The following UQCC1 variants were observed in gnomAD, a reference collection of about 807,000 sequenced individuals.
UQCC1 encodes the protein ubiquinol-cytochrome c reductase complex assembly factor 1, also known as bFGF-repressed Zic-binding protein.
In UQCC1, 38 loss-of-function variants were observed where a neutral mutation model predicts 48.0. The observed-to-expected ratio is 0.79, with a 90% CI of 0.61 to 1.04. The LOEUF is 1.04. Ranked by LOEUF, UQCC1 falls within the 50% of genes least tolerant of loss-of-function variation. UQCC1 has a pLI of 0.00. For missense variants in UQCC1, 368 were observed against 381.8 expected, an observed-to-expected ratio of 0.96 and a Z score of 0.30; for synonymous variants, 111 against 129.2, an observed-to-expected ratio of 0.86 and a Z score of 0.95.
intron 1 of UQCC1, among the ~76,000 whole-genome samples, chr20:35,399,580 G>A (rs1483392709): frequency 8.5e-5 from 13 of 152,076 alleles, no homozygotes; most frequent in Admixed American, 8.5e-4. Context: ...TCTAGGCCGG[G>A]CGCAGTGGCT....
intron 7 of UQCC1, among the ~76,000 whole-genome samples, chr20:35,321,829 G>C (rs1244150102): frequency 6.6e-6 from 1 of 152,200 alleles, no homozygotes; most frequent in East Asian, 1.9e-4. Context: ...AGACAGAATT[G>C]CAGAACCAGC....
At position 35,304,136 on chromosome 20, in the gene UQCC1, G is replaced by A. The variant is rs1406093834; in HGVS notation, c.766-67C>T. The A allele has an allele frequency of 2.5e-6, 4 of 1,603,360 alleles. No homozygotes were observed. In the East Asian group the frequency reaches 6.7e-5, roughly 27 times the overall value. On this transcript the variant is annotated intron_variant, in intron 9 of 9. Transcript: ENST00000374385. ...GGCAGAGGTGAGGAGCCAGCGTCAG[G>A]AACCAGCCTCCCAGAGGAGAGGAAG...
chr20:35,408,467 G>A (rs927175901), intron 1 of UQCC1, among the ~76,000 whole-genome samples: 2 of 152,136 alleles, frequency 1.3e-5, no homozygotes, highest in African/African-American at 4.8e-5. Context: ...ACAAGTGTTG[G>A]CAAGGATGTG....
In UQCC1 at chr20:35,367,104, A is replaced by AC. The variant is rs1409502362; in HGVS notation, c.407-491_407-490insG. Among the ~76,000 whole-genome samples the AC allele has an allele frequency of 1.3e-4, 19 of 150,774 alleles. 1 individual carries two copies. Among genetic ancestry groups the AC allele is most frequent in the Middle Eastern group, 3.4e-3 (1 of 294 alleles). On this transcript the variant is annotated intron_variant, in intron 5 of 9. Coordinates refer to ENST00000374385, the MANE Select transcript of UQCC1 (RefSeq NM_018244.5). The stretch of plus-strand genomic sequence containing the variant: ...GTGAGACTCTGTCTAAAAAAAAAAA[A>AC]AAAAACAAACAAAAAAACAACCCAT...
intron 3 of UQCC1, among the ~76,000 whole-genome samples, chr20:35,383,268 C>T (rs1447601431): frequency 6.6e-6 from 1 of 152,138 alleles, no homozygotes; most frequent in Non-Finnish European, 1.5e-5. Flanking sequence ...CAAAGGCAAG[C>T]TATCTAACCA....
At chr20:35,380,532 G>A (rs930284778) in intron 4 of UQCC1, among the ~76,000 whole-genome samples, 2 of 152,186 alleles carry the variant, frequency 1.3e-5, no homozygotes, top group African/African-American at 4.8e-5. Context: ...GACACCATAA[G>A]AAGAAACCAC....
chr20:35,377,333 A>G (rs1220744245), intron 4 of UQCC1, among the ~76,000 whole-genome samples: 1 of 152,252 alleles, frequency 6.6e-6, no homozygotes, highest in East Asian at 1.9e-4. Flanking sequence ...TTTTGTTAAC[A>G]CTTGCAGTTC....
intron 4 of UQCC1, among the ~76,000 whole-genome samples, chr20:35,375,689 G>A (rs567826880): frequency 1.7e-4 from 26 of 152,126 alleles, no homozygotes; most frequent in African/African-American, 3.4e-4. Flanking sequence ...GGTGGCTCAC[G>A]CCTGTAATCC....
At chr20:35,382,512 CTT>C (rs1162371421) in intron 3 of UQCC1, among the ~76,000 whole-genome samples, 1,436 of 108,138 alleles carry the variant, frequency 0.013, 10 homozygotes, top group African/African-American at 0.054. Context: ...TTTCTTTTTT[CTT>C]TTTTTTTTTT....
chr20:35,384,479 A>AT, intron 2 of UQCC1: 2 of 332,354 alleles, frequency 6.0e-6, no homozygotes, highest in Admixed American at 3.9e-5. Context: ...TATTTCTACA[A>AT]ATTTTTTTTT....
intron 7 of UQCC1, chr20:35,346,138 TGCACCAATCAGCACTCTGTAAAAAC>T (rs1156560822): frequency 3.3e-5 from 5 of 151,814 alleles, no homozygotes; most frequent in East Asian, 1.9e-4. Flanking sequence ...GGATTGTAAA[TGCACCAATCAGCACTCTGTAAAAAC>T]GCACCAATCA....
chr20:35,306,107 G>A (rs1055316114), intron 9 of UQCC1, among the ~76,000 whole-genome samples: 20 of 152,176 alleles, frequency 1.3e-4, no homozygotes, highest in African/African-American at 3.9e-4. Flanking sequence ...CCCCCACTGC[G>A]GAGCTTTCTC....
intron 1 of UQCC1, among the ~76,000 whole-genome samples, chr20:35,408,916 TA>T (rs748143954): frequency 4.4e-4 from 67 of 151,924 alleles, no homozygotes; most frequent in Non-Finnish European, 6.9e-4. Flanking sequence ...TTGAGGACAT[TA>T]CGCTAAATGA....
At chr20:35,364,141 C>T (rs1326962645) in intron 6 of UQCC1, among the ~76,000 whole-genome samples, 1 of 152,212 alleles carries the variant, frequency 6.6e-6, no homozygotes, top group African/African-American at 2.4e-5. Flanking sequence ...CACATTCTAT[C>T]TTTTGCTCCT....
At chr20:35,373,845 A>G (rs879273379) in intron 5 of UQCC1, among the ~76,000 whole-genome samples, 5 of 152,208 alleles carry the variant, frequency 3.3e-5, no homozygotes, top group Non-Finnish European at 7.3e-5. Context: ...TTTTATTTAT[A>G]GGATCCTTTT....
intron 7 of UQCC1, chr20:35,315,392 C>T (rs535714995): frequency 9.2e-5 from 14 of 152,318 alleles, no homozygotes; most frequent in African/African-American, 3.4e-4. Flanking sequence ...TATGTTGAGA[C>T]TAGGTTAGGA....
chr20:35,392,231 T>C, intron 2 of UQCC1: 1 of 1,304,148 alleles, frequency 7.7e-7, no homozygotes, highest in Non-Finnish European at 1.0e-6. Context: ...CTGTGAGACA[T>C]GTACCTGAGG....
chr20:35,379,720 T>C (rs6088809), intron 4 of UQCC1, among the ~76,000 whole-genome samples: 82,498 of 151,936 alleles, frequency 0.54, 23,432 homozygotes, highest in East Asian at 0.71. Context: ...GCAGGAAAAT[T>C]GCTTGAACCT....
intron 1 of UQCC1, among the ~76,000 whole-genome samples, chr20:35,396,451 G>A (rs936957912): frequency 1.3e-5 from 2 of 151,988 alleles, no homozygotes; most frequent in African/African-American, 2.4e-5. Context: ...TGGGACTAAA[G>A]GCTTGCATAG....
Sources: allele counts gnomAD v4.1 joint callset (sites outside exome capture counted in the v4.1 genomes callset), GRCh38; gene constraint gnomAD v4.1.1; transcripts MANE v1.5; gene names NCBI Gene and HGNC (gene_info 2026-07-23, HGNC 2026-07-21).